Variants in NAV2 observed in about 807,000 individuals in gnomAD.
NAV2 encodes the protein helicase, APC down-regulated 1.
Under a neutral mutation model 223.2 loss-of-function variants are expected in NAV2, and 54 were observed. The ratio of observed to expected loss-of-function variants is 0.24; its 90% CI spans 0.19 to 0.30. The LOEUF is 0.30. Ranked by LOEUF, NAV2 falls within the 10% of genes least tolerant of loss-of-function variation. The pLI, the probability that NAV2 is intolerant of heterozygous loss-of-function variation, is 1.00. For synonymous variants in NAV2, 1,279 were observed against 1,239.3 expected (o/e 1.03, Z -0.67); for missense variants, 2,806 against 3,147.5 (o/e 0.89, Z 2.60).
At chr11:20,091,101 C>T in intron 27 of NAV2, 83 bp downstream of exon 27, 1 of 1,476,872 alleles carries the variant, frequency 6.8e-7, no homozygotes, top group Non-Finnish European at 9.2e-7. Context: ...GCCCTGAGGG[C>T]TGCATCAGAA....
At chr11:19,842,185 G>A (rs2060547602) in intron 2 of NAV2, among the ~76,000 whole-genome samples, 1 of 152,100 alleles carries the variant, frequency 6.6e-6, no homozygotes, top group African/African-American at 2.4e-5. Flanking sequence ...ATTCACCCAG[G>A]GAAGCTGGGC....
intron 1 of NAV2, among the ~76,000 whole-genome samples, chr11:19,625,137 C>T (rs189890073): frequency 1.4e-4 from 21 of 152,332 alleles, no homozygotes; most frequent in Admixed American, 9.2e-4. Flanking sequence ...AGCCATCCCA[C>T]AGTGGTATAG....
chr11:19,635,116 C>T (rs1164265402), intron 1 of NAV2, among the ~76,000 whole-genome samples: 1 of 151,982 alleles, frequency 6.6e-6, no homozygotes, highest in African/African-American at 2.4e-5. Context: ...TCACTTCTAG[C>T]CATGTCCCCA....
At chr11:19,793,773 G>A (rs75854381) in intron 1 of NAV2, among the ~76,000 whole-genome samples, 6,058 of 152,284 alleles carry the variant, frequency 0.04, 169 homozygotes, top group Middle Eastern at 0.058. Flanking sequence ...GTATCATCTG[G>A]CCGCTGCCTT....
intron 1 of NAV2, among the ~76,000 whole-genome samples, chr11:19,386,589 A>C (rs1056520429): frequency 3.3e-5 from 5 of 152,206 alleles, no homozygotes; most frequent in Non-Finnish European, 5.9e-5. Context: ...GGACTGGTAC[A>C]GCTTTTAGTG....
intron 6 of NAV2, among the ~76,000 whole-genome samples, chr11:19,928,133 T>C (rs76011218): frequency 0.026 from 3,907 of 152,378 alleles, 161 homozygotes; most frequent in African/African-American, 0.082. Context: ...CTTGATTTAA[T>C]GTAACAGTGT....
chr11:19,698,906 A>G (rs2049426880), intron 1 of NAV2, among the ~76,000 whole-genome samples: 2 of 152,206 alleles, frequency 1.3e-5, no homozygotes, highest in South Asian at 2.1e-4. Context: ...GATTCCAGAC[A>G]TTCTGAAGTC....
At chr11:19,348,633 A>G (rs1853128177), upstream of NAV2, among the ~76,000 whole-genome samples, 1 of 152,240 alleles carries the variant, frequency 6.6e-6, no homozygotes, top group African/African-American at 2.4e-5. Context: ...TGCTGAATAA[A>G]TGAATATATG....
At chr11:19,621,613 A>T (rs1717776404) in intron 1 of NAV2, among the ~76,000 whole-genome samples, 1 of 152,106 alleles carries the variant, frequency 6.6e-6, no homozygotes, top group African/African-American at 2.4e-5. Context: ...TCCCTTTATC[A>T]TTTTTTATTG....
At chr11:19,575,628 T>C (rs1347293371) in intron 1 of NAV2, among the ~76,000 whole-genome samples, 2 of 152,250 alleles carry the variant, frequency 1.3e-5, no homozygotes, top group Non-Finnish European at 2.9e-5. Flanking sequence ...CCTGGGGAAA[T>C]TCACCTTTTC....
At chr11:19,723,564 G>A (rs1417242211) in intron 1 of NAV2, among the ~76,000 whole-genome samples, 3 of 152,162 alleles carry the variant, frequency 2.0e-5, no homozygotes, top group Non-Finnish European at 2.9e-5. Flanking sequence ...CCCTGGTCTC[G>A]GCCCTTCTTG....
In NAV2 at chr11:19,949,056, T is replaced by A; in HGVS notation, c.2621T>A (p.Ile874Asn). Residue 874 changes from isoleucine to asparagine, a missense_variant, in exon 10 of 38, where the codon ATC (isoleucine) becomes AAC (asparagine). This residue lies in a region of NAV2 where 1,167 missense variants were observed against 1,180.5 expected (regional missense o/e 0.99). Transcript: ENST00000349880. Reference protein sequence around the residue: ...MSDGDVLSKNIRTDDITSGYM... With the variant: ...MSDGDVLSKNNRTDDITSGYM... Reference sequence around the variant, plus strand: ...GACGGGGATGTTCTGAGCAAGAACATCCGGACCGATGACATTACAAGCGGG... The same window carrying A: ...GACGGGGATGTTCTGAGCAAGAACAACCGGACCGATGACATTACAAGCGGG... 6.2e-7 allele frequency: 1 copy of A among 1,610,474 alleles called. No individual in the cohort carries two copies. Among genetic ancestry groups the A allele is most frequent in the Non-Finnish European group, 8.5e-7 (1 of 1,177,632 alleles).
intron 1 of NAV2, among the ~76,000 whole-genome samples, chr11:19,595,915 T>C (rs778309487): frequency 6.6e-5 from 10 of 152,196 alleles, no homozygotes; most frequent in Non-Finnish European, 1.5e-4. Context: ...AAAAAATGTA[T>C]TTTATATCAC....
At chr11:19,873,797 A>T (rs2062679920) in intron 4 of NAV2, among the ~76,000 whole-genome samples, 1 of 152,134 alleles carries the variant, frequency 6.6e-6, no homozygotes, top group African/African-American at 2.4e-5. Flanking sequence ...CCATCCTCTC[A>T]TCCCACTTCT....
chr11:20,082,667 C>T (rs1398051252), intron 25 of NAV2: 18 of 1,441,212 alleles, frequency 1.2e-5, no homozygotes, highest in Admixed American at 1.7e-5. Context: ...TAACCTCATC[C>T]GCATCCATCA....
chr11:19,598,192 C>T (rs1442500263), intron 1 of NAV2, among the ~76,000 whole-genome samples: 1 of 152,118 alleles, frequency 6.6e-6, no homozygotes, highest in Non-Finnish European at 1.5e-5. Flanking sequence ...AAGGGCAGTG[C>T]CCCAGCCTCA....
chr11:19,776,632 ATGTGTGTG>A lies in NAV2; in HGVS notation c.268-55815_268-55808del, dbSNP rs71050685. 2.1e-3 allele frequency among the ~76,000 whole-genome samples: 135 copies of A among 64,658 alleles called. 2 individuals are homozygous for A. Among genetic ancestry groups the A allele is most frequent in the Middle Eastern group, 9.8e-3 (1 of 102 alleles). The allele number at this position is 64,658 out of a possible 152,430, so 42.4% of individuals were successfully genotyped here. On this transcript the variant is annotated intron_variant, in intron 1 of 37. Transcript: ENST00000349880. ...TGGTTAGAGTTGTGGGGGTCAGAAA[ATGTGTGTG>A]TGTGTGTGTGTGTGTGTGTGTGTGT... is the stretch of plus-strand genomic sequence containing the variant.
intron 8 of NAV2, among the ~76,000 whole-genome samples, chr11:19,945,425 A>G (rs1239922013): frequency 6.8e-6 from 1 of 147,224 alleles, no homozygotes; most frequent in East Asian, 2.0e-4. Flanking sequence ...CCCAGGCTGG[A>G]TTGCAATGGC....
chr11:19,618,471 T>C (rs1199949835), intron 1 of NAV2, among the ~76,000 whole-genome samples: 1 of 146,454 alleles, frequency 6.8e-6, no homozygotes, highest in African/African-American at 2.5e-5. Context: ...GGTAGCTGAA[T>C]GGCTATATGG....
Sources: gnomAD v4.1 joint callset for allele counts (sites outside exome capture counted in the v4.1 genomes callset) on GRCh38, gnomAD v4.1.1 for gene constraint, gnomAD v4.1.1 regional missense constraint, MANE v1.5 for transcripts, NCBI Gene and HGNC (gene_info 2026-07-23, HGNC 2026-07-21) for gene names.